The following LRRTM4 variants were observed in gnomAD, a reference collection of about 807,000 sequenced individuals.
The protein encoded by LRRTM4 is leucine rich repeat transmembrane neuronal 4.
In LRRTM4, 25 loss-of-function variants were observed where a neutral mutation model predicts 47.6. The observed-to-expected ratio is 0.53, with a 90% CI of 0.38 to 0.73. The LOEUF is 0.73. Ranked by LOEUF, LRRTM4 falls within the 30% of genes least tolerant of loss-of-function variation. The probability of loss-of-function intolerance (pLI) is 0.00; values close to 1 mark genes in which losing one functional copy is unlikely to be tolerated. For missense variants in LRRTM4, 638 were observed against 713.4 expected (o/e 0.89, Z 1.20); for synonymous variants, 311 against 269.5 (o/e 1.15, Z -1.51).
chr2:76,770,717 T>G (rs537911635), intron 3 of LRRTM4, among the ~76,000 whole-genome samples: 1 of 152,312 alleles, frequency 6.6e-6, no homozygotes, highest in South Asian at 2.1e-4. Flanking sequence ...ATATTCAGCA[T>G]TTTTTAAAAA....
intron 3 of LRRTM4, among the ~76,000 whole-genome samples, chr2:76,773,316 C>A (rs1459756073): frequency 2.0e-5 from 3 of 152,228 alleles, no homozygotes; most frequent in East Asian, 1.9e-4. Context: ...CCAGGGCTTA[C>A]ACACTTTTCT....
At chr2:77,217,434 A>T (rs1018062820) in intron 3 of LRRTM4, among the ~76,000 whole-genome samples, 61 of 37,798 alleles carry the variant, frequency 1.6e-3, no homozygotes, top group African/African-American at 0.011. Flanking sequence ...CTATATCTCC[A>T]AATGAAATAT....
At chr2:76,919,178 G>A (rs2103803052) in intron 3 of LRRTM4, among the ~76,000 whole-genome samples, 1 of 152,234 alleles carries the variant, frequency 6.6e-6, no homozygotes, top group East Asian at 1.9e-4. Flanking sequence ...GATATTTTTG[G>A]TGGGGGGAGG....
chr2:77,245,517 C>CA (rs770133274), intron 3 of LRRTM4, among the ~76,000 whole-genome samples: 1,437 of 86,354 alleles, frequency 0.017, 14 homozygotes, highest in Middle Eastern at 0.026. Context: ...GACACTGCCT[C>CA]AAAAAAAAAA....
intron 3 of LRRTM4, among the ~76,000 whole-genome samples, chr2:77,345,394 A>C (rs186901847): frequency 2.7e-4 from 41 of 152,060 alleles, no homozygotes; most frequent in African/African-American, 9.6e-4. Flanking sequence ...TTTTCAAATC[A>C]CACACCTTAA....
At chr2:76,913,108 G>A (rs1674127354) in intron 3 of LRRTM4, among the ~76,000 whole-genome samples, 1 of 152,106 alleles carries the variant, frequency 6.6e-6, no homozygotes, top group Non-Finnish European at 1.5e-5. Flanking sequence ...TACTCTGTTA[G>A]CATTACTGCT....
chr2:76,888,980 G>C (rs1673166340), intron 3 of LRRTM4, among the ~76,000 whole-genome samples: 1 of 151,626 alleles, frequency 6.6e-6, no homozygotes, highest in Non-Finnish European at 1.5e-5. Context: ...AATAGCTTTG[G>C]GCTTAAGGTA....
intron 3 of LRRTM4, among the ~76,000 whole-genome samples, chr2:76,948,264 A>G (rs1675387601): frequency 6.6e-6 from 1 of 151,882 alleles, no homozygotes. Flanking sequence ...ATTTACCTTG[A>G]TGCCACAATT....
At chr2:77,432,968 G>A (rs1302951351) in intron 3 of LRRTM4, among the ~76,000 whole-genome samples, 2 of 152,100 alleles carry the variant, frequency 1.3e-5, no homozygotes, top group Non-Finnish European at 2.9e-5. Context: ...TGATTCCCTG[G>A]AGATGTTTAC....
chr2:76,986,531 G>A (rs992253749), intron 3 of LRRTM4, among the ~76,000 whole-genome samples: 2 of 151,822 alleles, frequency 1.3e-5, no homozygotes, highest in Admixed American at 6.6e-5. Flanking sequence ...CAGAAGACAT[G>A]TAACTAATGT....
At chr2:77,187,263 G>A (rs150150364) in intron 3 of LRRTM4, among the ~76,000 whole-genome samples, 2 of 152,178 alleles carry the variant, frequency 1.3e-5, no homozygotes, top group East Asian at 1.9e-4. Context: ...GTTGAACCTC[G>A]ATTTCAGCCA....
intron 3 of LRRTM4, among the ~76,000 whole-genome samples, chr2:77,050,316 T>C (rs1430479933): frequency 6.6e-6 from 1 of 152,132 alleles, no homozygotes; most frequent in South Asian, 2.1e-4. Context: ...GATGGGCCAC[T>C]GGCCCCAACA....
At chr2:77,287,564 A>T (rs1368651602) in intron 3 of LRRTM4, among the ~76,000 whole-genome samples, 1 of 152,056 alleles carries the variant, frequency 6.6e-6, no homozygotes, top group Non-Finnish European at 1.5e-5. Flanking sequence ...TAAAGAATTC[A>T]TGAGTATTAA....
intron 3 of LRRTM4, among the ~76,000 whole-genome samples, chr2:77,105,555 T>C (rs1221522598): frequency 6.6e-6 from 1 of 151,588 alleles, no homozygotes. Flanking sequence ...ATATACCTAA[T>C]GTTAAATGAC....
intron 3 of LRRTM4, among the ~76,000 whole-genome samples, chr2:77,153,424 A>C (rs2103789938): frequency 6.6e-6 from 1 of 152,342 alleles, no homozygotes; most frequent in Admixed American, 6.5e-5. Context: ...TAAAAATCTA[A>C]GAAATACTAA....
intron 3 of LRRTM4, among the ~76,000 whole-genome samples, chr2:76,797,544 G>T (rs1675407860): frequency 6.6e-6 from 1 of 151,848 alleles, no homozygotes; most frequent in African/African-American, 2.4e-5. Flanking sequence ...AGACTAGGAA[G>T]AAACTGCATC....
At chr2:77,039,488 A>G (rs761127036) in intron 3 of LRRTM4, among the ~76,000 whole-genome samples, 2 of 151,236 alleles carry the variant, frequency 1.3e-5, no homozygotes, top group Middle Eastern at 3.2e-3. Context: ...ATTTCGTTCA[A>G]TTTTAGAGGA....
intron 3 of LRRTM4, among the ~76,000 whole-genome samples, chr2:76,974,185 TACATATATATACATATATATATATAC>T (rs1558771534): frequency 1.0e-5 from 1 of 95,306 alleles, no homozygotes; most frequent in Non-Finnish European, 1.8e-5. Flanking sequence ...TATATATACA[TACATATATATACATATATATATATAC>T]ACATATATAT....
rs575520316 is a variant in LRRTM4, at chr2:77,316,286, G to A, written c.1551+202032C>T. 7.9e-5 allele frequency among the ~76,000 whole-genome samples: 12 copies of A among 152,254 alleles called. No individual in the cohort carries two copies. The South Asian group carries it at 2.1e-3, about 26-fold the overall frequency. ...AAGCACTTTACAGAATGATGCGTAA[G>A]TTCTCAGCAAGCCTGAGAATTAAAA... On this transcript the variant is annotated intron_variant, in intron 3 of 3. Transcript: ENST00000409884.
Sources: gnomAD v4.1 joint callset for allele counts (sites outside exome capture counted in the v4.1 genomes callset) on GRCh38, gnomAD v4.1.1 for gene constraint, MANE v1.5 for transcripts, NCBI Gene and HGNC (gene_info 2026-07-23, HGNC 2026-07-21) for gene names.